The following ZNF207 variants were observed in gnomAD, a reference collection of about 807,000 sequenced individuals.
The protein encoded by ZNF207 is BUB3-interacting and GLEBS motif-containing protein ZNF207.
Under a neutral mutation model 60.2 loss-of-function variants are expected in ZNF207, and 24 were observed. The ratio of observed to expected loss-of-function variants is 0.40; its 90% CI spans 0.29 to 0.56. The LOEUF is 0.56. Ranked by LOEUF, ZNF207 falls within the 20% of genes least tolerant of loss-of-function variation. The pLI is 0.49. For missense variants in ZNF207, 452 were observed against 636.6 expected (o/e 0.71, Z 3.12); for synonymous variants, 236 against 194.7 (o/e 1.21, Z -1.77).
In ZNF207 at chr17:32,377,786, A is replaced by G. The variant is rs1209737203; in HGVS notation, c.*8027A>G. The G allele has an allele frequency of 6.6e-6, 1 of 152,318 alleles. No homozygotes were observed. The highest frequency in any genetic ancestry group is 2.4e-5 in the African/African-American group (1 of 41,438). The allele number at this position is 152,318 out of a possible 1,614,324, so 9.4% of individuals were successfully genotyped here. A position where few individuals can be genotyped will look rare whatever the true frequency, so the allele number is the denominator to read the frequency against. ...CAATATAAGGTAACTTCTGTTTAAA[A>G]AAAAAAAAAACTAGGGAAAAGTTTT... On this transcript the variant is annotated 3_prime_UTR_variant, in exon 12 of 12. Transcript: ENST00000394670.
chr17:32,366,528 C>G (rs1301181594), intron 8 of ZNF207, 137 bp from the exon 9 acceptor site: 10 of 542,646 alleles, frequency 1.8e-5, no homozygotes, highest in Non-Finnish European at 2.4e-5. Context: ...AACTGCCTGC[C>G]TTTTAAAATA....
At chr17:32,356,355 A>G (rs533631034) in intron 2 of ZNF207, among the ~76,000 whole-genome samples, 15 of 152,344 alleles carry the variant, frequency 9.8e-5, no homozygotes, top group African/African-American at 3.6e-4. Flanking sequence ...TCATCTCTTT[A>G]TTAAGAATAG....
chr17:32,362,305 A>C (rs568165968), intron 6 of ZNF207, among the ~76,000 whole-genome samples: 1 of 152,156 alleles, frequency 6.6e-6, no homozygotes, highest in Non-Finnish European at 1.5e-5. Context: ...ACAGGCGCAC[A>C]CTACTGCACC....
intron 7 of ZNF207, among the ~76,000 whole-genome samples, 178 bp from the exon 8 acceptor site, chr17:32,365,152 C>G (rs1051680493): frequency 1.3e-5 from 2 of 152,180 alleles, no homozygotes; most frequent in Non-Finnish European, 2.9e-5. Context: ...AATTCTGAAG[C>G]AGTACAAAGG....
rs1361331073 is a variant in ZNF207 at position 32,373,149 on chromosome 17, C to T, written c.*3390C>T. ...GTATGAATAAAATATTCCTACTGTA[C>T]TCCTATTCCACTAAGTTACATTTTG... On this transcript the variant is annotated 3_prime_UTR_variant, in exon 12 of 12. Coordinates refer to ENST00000394670, the MANE Select transcript of ZNF207 (RefSeq NM_001098507.2). 5.2e-6 allele frequency: 2 copies of T among 382,526 alleles called. No individual in the cohort carries two copies. Among genetic ancestry groups the T allele is most frequent in the East Asian group, 7.8e-5 (2 of 25,694 alleles). 23.7% of individuals were successfully genotyped at this position (382,526 alleles called of 1,614,324 possible).
At chr17:32,360,185 C>CG (rs1328014606) in intron 3 of ZNF207, among the ~76,000 whole-genome samples, 64 of 109,244 alleles carry the variant, frequency 5.9e-4, no homozygotes, top group African/African-American at 1.2e-3. Flanking sequence ...TACCCCCCCC[C>CG]CAAAAAAAAA....
chr17:32,364,088 C>T (rs1407767612), intron 7 of ZNF207, among the ~76,000 whole-genome samples: 3 of 150,176 alleles, frequency 2.0e-5, no homozygotes, highest in Admixed American at 6.6e-5. Context: ...GCTGATGTGC[C>T]GTGGCACGAT....
rs961745041 is a variant in ZNF207, at chr17:32,378,698, T to A, written c.*8939T>A. The A allele has an allele frequency of 4.0e-5, 6 of 149,520 alleles. No homozygotes were observed. The highest frequency in any genetic ancestry group is 1.5e-4 in the African/African-American group (6 of 40,842). 9.3% of individuals were successfully genotyped at this position (149,520 alleles called of 1,614,324 possible). A position where few individuals can be genotyped will look rare whatever the true frequency, so the allele number is the denominator to read the frequency against. On this transcript the variant is annotated 3_prime_UTR_variant, in exon 12 of 12. Coordinates refer to ENST00000394670, the MANE Select transcript of ZNF207 (RefSeq NM_001098507.2). ...TGGAAAATGTGTTTTAACATTTTTA[T>A]TTTTTTTTTATTCTACCCGAGTTCA...
chr17:32,367,732 AG>A (rs1191366891), intron 9 of ZNF207, 39 bp from the exon 10 acceptor site: 3 of 1,605,744 alleles, frequency 1.9e-6, no homozygotes, highest in Non-Finnish European at 2.6e-6. Context: ...AGTTAATTTA[AG>A]GTTTTGAAGT....
intron 2 of ZNF207, among the ~76,000 whole-genome samples, chr17:32,357,351 A>ATTATTATT (rs1363194053): frequency 9.5e-5 from 7 of 74,000 alleles, no homozygotes; most frequent in African/African-American, 3.9e-4. Flanking sequence ...TATTATTATT[A>ATTATTATT]TTTTTTTTTT....
rs1002382991 is a variant in ZNF207 at position 32,378,258 on chromosome 17, G to A, written c.*8499G>A. The A allele has an allele frequency of 6.6e-6, 1 of 152,000 alleles. No individual in the cohort carries two copies. The highest frequency in any genetic ancestry group is 1.5e-5 in the Non-Finnish European group (1 of 67,908). The allele number at this position is 152,000 out of a possible 1,614,324, so 9.4% of individuals were successfully genotyped here. On this transcript the variant is annotated 3_prime_UTR_variant, in exon 12 of 12. Transcript: ENST00000394670. ...GGAAAAGACAGTTTCAGTTGGCTAT[G>A]CCCTTGTTGATAGATGATATGGAGT...
rs748261615 is a variant in ZNF207, at chr17:32,350,206, G to C, written c.-80G>C. On this transcript the variant is annotated 5_prime_UTR_variant, in exon 1 of 12. Transcript: ENST00000394670. ...TGTGGGACGTGGTGGTAGCCGTTGG[G>C]TTGGGAAAGTGAGGGATTTTTGGCC... The C allele has an allele frequency of 6.2e-7, 1 of 1,600,574 alleles. No homozygotes were observed. Among genetic ancestry groups the C allele is most frequent in the Non-Finnish European group, 8.6e-7 (1 of 1,168,138 alleles).
rs931654202 is a variant in ZNF207 at position 32,371,210 on chromosome 17, G to A, written c.*1451G>A. The A allele has an allele frequency of 6.6e-6, 1 of 152,132 alleles. No homozygotes were observed. Among genetic ancestry groups the A allele is most frequent in the African/African-American group, 2.4e-5 (1 of 41,428 alleles). 9.4% of individuals were successfully genotyped at this position (152,132 alleles called of 1,614,324 possible). A position where few individuals can be genotyped will look rare whatever the true frequency, so the allele number is the denominator to read the frequency against. ...CAAAGTATTAATATAATGAACTCAA[G>A]TTGAGTTTTTCTCATTATAAAGTTA... On this transcript the variant is annotated 3_prime_UTR_variant, in exon 12 of 12. Transcript: ENST00000394670.
rs558059202 is a variant in ZNF207, at chr17:32,369,496, A to G, written c.1324+42A>G. On this transcript the variant is annotated intron_variant, in intron 11 of 11. Coordinates refer to ENST00000394670, the MANE Select transcript of ZNF207 (RefSeq NM_001098507.2). Reference sequence around the variant, plus strand: ...GTTTTTCATATTTAGTGGATTTTCTAAGTTCACGCATAAAATATTAAATTT... The same window carrying G: ...GTTTTTCATATTTAGTGGATTTTCTGAGTTCACGCATAAAATATTAAATTT... The G allele has an allele frequency of 2.3e-5, 37 of 1,606,836 alleles. No individual in the cohort carries two copies. In the Admixed American group the frequency reaches 3.2e-4, roughly 14 times the overall value.
intron 2 of ZNF207, among the ~76,000 whole-genome samples, chr17:32,357,790 C>T (rs954765933): frequency 6.6e-6 from 1 of 152,012 alleles, no homozygotes; most frequent in Non-Finnish European, 1.5e-5. Context: ...TGTGCACCAC[C>T]ACGCCCTGCT....
At chr17:32,363,153 T>C (rs1477428868) in intron 7 of ZNF207, among the ~76,000 whole-genome samples, 169 bp downstream of exon 7, 2 of 152,232 alleles carry the variant, frequency 1.3e-5, no homozygotes, top group African/African-American at 4.8e-5. Flanking sequence ...TTGGTAGATA[T>C]CTCGGCTCAC....
chr17:32,360,759 C>G lies in ZNF207; in HGVS notation c.469C>G (p.Pro157Ala). The G allele has an allele frequency of 6.2e-7, 1 of 1,613,928 alleles. No individual in the cohort carries two copies. Among genetic ancestry groups the G allele is most frequent in the Middle Eastern group, 1.7e-4 (1 of 6,058 alleles). The change falls in exon 4 of 12, where the codon CCT becomes GCT. Residue 157 changes from proline to alanine, a missense_variant. Around this residue, in one of 2 missense-constraint regions of ZNF207, gnomAD observed 390 missense variants for 461.4 expected, o/e 0.85. Coordinates refer to ENST00000394670, the MANE Select transcript of ZNF207 (RefSeq NM_001098507.2). ...LPPVPGAPGMPPGIPPLMPGV... is the reference protein window; with the variant it reads ...LPPVPGAPGMAPGIPPLMPGV... The stretch of plus-strand genomic sequence containing the variant: ...ACCAGTACCAGGAGCACCAGGAATG[C>G]CTCCAGGTAGCACATAGGATTGCTT...
intron 7 of ZNF207, among the ~76,000 whole-genome samples, 186 bp downstream of exon 7, chr17:32,363,170 C>T (rs986360128): frequency 9.2e-5 from 14 of 152,172 alleles, no homozygotes; most frequent in Admixed American, 7.9e-4. Context: ...TCACTGCAAC[C>T]TCTGCCTCAC....
chr17:32,354,624 T>A (rs1904395089), intron 2 of ZNF207, among the ~76,000 whole-genome samples: 2 of 151,686 alleles, frequency 1.3e-5, no homozygotes, highest in Non-Finnish European at 2.9e-5. Flanking sequence ...TTAGACTTTT[T>A]TTTTTTTCTT....
Sources: allele counts gnomAD v4.1 joint callset (sites outside exome capture counted in the v4.1 genomes callset), GRCh38; gene constraint gnomAD v4.1.1; regional missense constraint gnomAD v4.1.1; transcripts MANE v1.5; gene names NCBI Gene and HGNC (gene_info 2026-07-23, HGNC 2026-07-21).